Variants in USH2A observed in about 807,000 individuals in gnomAD.
USH2A encodes usherin, also known as Usher syndrome 2A (autosomal recessive, mild).
USH2A carries 443 observed loss-of-function variants against 538.9 expected under a neutral mutation model. The ratio of observed to expected loss-of-function variants is 0.82; its 90% CI spans 0.76 to 0.89. The LOEUF is 0.89. USH2A is among the 40% of genes least tolerant of loss of function. The pLI, the probability that USH2A is intolerant of heterozygous loss-of-function variation, is 0.00. For missense variants in USH2A, 6,633 were observed against 6,324.8 expected (o/e 1.05, Z -1.65); for synonymous variants, 2,413 against 2,273.5 (o/e 1.06, Z -1.75).
chr1:215,628,819 C>T lies in USH2A; in HGVS notation c.15514G>A (p.Gly5172Arg). The change falls in exon 71 of 72, where the codon GGA becomes AGA. Residue 5172 changes from glycine to arginine, a missense_variant. Physicochemically the swap from Gly to Arg is moderately radical, Grantham distance 125. Coordinates refer to ENST00000307340, the MANE Select transcript of USH2A (RefSeq NM_206933.4). ...LWEAIMGHNS[G>R]LYVDEEDLMN... ...GTATGAGGAAACCAACTCACCAGTC[C>T]ACTGTTGTGGCCCATGATGGCTTCC... is the stretch of plus-strand genomic sequence containing the variant. 1 of 1,614,102 alleles carries T rather than the reference C, an allele frequency of 6.2e-7. No individual in the cohort carries two copies. Among genetic ancestry groups the T allele is most frequent in the East Asian group, 2.2e-5 (1 of 44,870 alleles).
At chr1:216,271,752 T>C (rs1306698495) in intron 11 of USH2A, among the ~76,000 whole-genome samples, 4 of 152,120 alleles carry the variant, frequency 2.6e-5, no homozygotes, top group Non-Finnish European at 4.4e-5. Flanking sequence ...TCAAAGTTTT[T>C]TGATCTATTG....
rs1262561566 is a variant in USH2A at position 215,747,888 on chromosome 1, TTGG to T, written c.11390-4556_11390-4554del. Reference sequence around the variant, plus strand: ...TGTTTTTTTTTGTTTGTTTGTTTGTTTGGTTTTTTTTTTTGAGACGGAGTCTCG... The same window carrying T: ...TGTTTTTTTTTGTTTGTTTGTTTGTTTTTTTTTTTTTGAGACGGAGTCTCG... On this transcript the variant is annotated intron_variant, in intron 58 of 71. Transcript: ENST00000307340. Among the ~76,000 whole-genome samples the T allele has an allele frequency of 9.2e-3, 826 of 89,840 alleles. 13 individuals carry two copies. The highest frequency in any genetic ancestry group is 0.023 in the African/African-American group (594 of 25,998). 58.9% of individuals were successfully genotyped at this position (89,840 alleles called of 152,430 possible).
At chr1:215,698,292 A>G (rs1658884103) in intron 61 of USH2A, among the ~76,000 whole-genome samples, 2 of 152,086 alleles carry the variant, frequency 1.3e-5, no homozygotes, top group Non-Finnish European at 2.9e-5. Context: ...AAATATGTGC[A>G]TGTGTCTTTA....
chr1:216,202,570 G>C (rs1407368381), intron 16 of USH2A, among the ~76,000 whole-genome samples: 1 of 152,118 alleles, frequency 6.6e-6, no homozygotes, highest in Admixed American at 6.5e-5. Flanking sequence ...AAAATTTGCT[G>C]TTACTACAGA....
chr1:216,170,349 G>A (rs1459582927), intron 21 of USH2A, among the ~76,000 whole-genome samples: 2 of 152,058 alleles, frequency 1.3e-5, no homozygotes, highest in Non-Finnish European at 2.9e-5. Flanking sequence ...ATACAAAAAT[G>A]TATGACAATC....
intron 34 of USH2A, among the ~76,000 whole-genome samples, chr1:215,993,671 T>A (rs1668063621): frequency 6.6e-6 from 1 of 152,208 alleles, no homozygotes; most frequent in African/African-American, 2.4e-5. Context: ...GTGACCAATA[T>A]GTTTATAGCA....
At chr1:216,030,443 T>G (rs1321610412) in intron 32 of USH2A, among the ~76,000 whole-genome samples, 1 of 79,464 alleles carries the variant, frequency 1.3e-5, no homozygotes, top group Non-Finnish European at 2.7e-5. Flanking sequence ...ATATATATGA[T>G]ATATAGATAT....
chr1:216,002,646 C>T (rs1325922979), intron 32 of USH2A, among the ~76,000 whole-genome samples: 1 of 152,142 alleles, frequency 6.6e-6, no homozygotes, highest in South Asian at 2.1e-4. Context: ...TGGTCAGCCG[C>T]AACCGAGATT....
chr1:215,829,730 T>C lies in USH2A; in HGVS notation c.9371+8261A>G, dbSNP rs148532196. 5.4e-3 allele frequency among the ~76,000 whole-genome samples: 829 copies of C among 152,358 alleles called. 6 individuals are homozygous for C. Among genetic ancestry groups the C allele is most frequent in the African/African-American group, 0.018 (768 of 41,590 alleles). ...AATTTTGATTAATGGCTTGGCAGCC[T>C]ATAGTTGCTCATTAGAGTCTTGCCT... On this transcript the variant is annotated intron_variant, in intron 47 of 71. Transcript: ENST00000307340.
In USH2A at chr1:215,675,084, A is replaced by G. The variant is rs1220579907; in HGVS notation, c.12827T>C (p.Met4276Thr). The G allele has an allele frequency of 1.2e-6, 2 of 1,614,150 alleles. No individual in the cohort carries two copies. The highest frequency in any genetic ancestry group is 1.7e-6 in the Non-Finnish European group (2 of 1,180,024). ...GGAAATCAGCAGTTTTTGGGGATTCATAGAAACATAGGATATCACAGGTGG... is the reference window on the plus strand; with the variant it reads ...GGAAATCAGCAGTTTTTGGGGATTCGTAGAAACATAGGATATCACAGGTGG... The part of the protein sequence containing the change: ...LSPPVISYVS[M>T]NPQKLLISWI... Residue 4276 changes from methionine to threonine, a missense_variant, in exon 63 of 72, where the codon ATG becomes ACG. Coordinates refer to ENST00000307340, the MANE Select transcript of USH2A (RefSeq NM_206933.4).
intron 47 of USH2A, among the ~76,000 whole-genome samples, chr1:215,819,790 A>G (rs555067803): frequency 1.3e-5 from 2 of 151,822 alleles, no homozygotes; most frequent in Non-Finnish European, 3.0e-5. Flanking sequence ...CGGCAAGAAC[A>G]TGAACAGTTT....
At position 216,148,474 on chromosome 1, in the gene USH2A, C is replaced by A. The variant is rs1031401678; in HGVS notation, c.4627+26778G>T. On this transcript the variant is annotated intron_variant, in intron 21 of 71. Transcript: ENST00000307340. ...ATACCTCTACTCCCTCCTTGGTGAC[C>A]GATCATGCACCCCTTACCATCTCAT... Among the ~76,000 whole-genome samples the A allele has an allele frequency of 2.0e-5, 3 of 152,130 alleles. No homozygotes were observed. The East Asian group carries it at 5.8e-4, about 30-fold the overall frequency.
At chr1:216,353,079 A>T (rs1377558074) in intron 4 of USH2A, among the ~76,000 whole-genome samples, 1 of 152,062 alleles carries the variant, frequency 6.6e-6, no homozygotes, top group East Asian at 1.9e-4. Context: ...GAAGTGAAGA[A>T]AAAACGGCAG....
intron 30 of USH2A, among the ~76,000 whole-genome samples, chr1:216,052,199 G>A (rs915989790): frequency 6.6e-6 from 1 of 151,970 alleles, no homozygotes; most frequent in East Asian, 1.9e-4. Context: ...TTACCAAATT[G>A]TATTGTATTT....
At chr1:216,417,398 T>G (rs1210335350) in intron 3 of USH2A, among the ~76,000 whole-genome samples, 2 of 152,096 alleles carry the variant, frequency 1.3e-5, no homozygotes, top group African/African-American at 4.8e-5. Flanking sequence ...TACTGGAAAC[T>G]GTGGTACCCA....
rs139660933 is a variant in USH2A at position 215,744,892 on chromosome 1, C to T, written c.11390-1557G>A. Among the ~76,000 whole-genome samples the T allele has an allele frequency of 3.8e-3, 572 of 152,306 alleles. 5 individuals carry two copies. The highest frequency in any genetic ancestry group is 0.013 in the African/African-American group (526 of 41,566). The stretch of plus-strand genomic sequence containing the variant: ...GGCTAAACTATCTGGTACATTTATT[C>T]TAGTAGGTTAAACTACTAACATTCT... On this transcript the variant is annotated intron_variant, in intron 58 of 71. Coordinates refer to ENST00000307340, the MANE Select transcript of USH2A (RefSeq NM_206933.4).
At chr1:216,282,166 C>T (rs1034087578) in intron 11 of USH2A, among the ~76,000 whole-genome samples, 10 of 151,950 alleles carry the variant, frequency 6.6e-5, no homozygotes, top group African/African-American at 2.4e-4. Flanking sequence ...ATATACTTTG[C>T]AACTAATTCT....
At chr1:215,711,732 T>C (rs759896698) in intron 61 of USH2A, among the ~76,000 whole-genome samples, 14 of 152,182 alleles carry the variant, frequency 9.2e-5, no homozygotes, top group Non-Finnish European at 1.9e-4. Flanking sequence ...ATTGGCCACC[T>C]GAGGTTCAAA....
intron 31 of USH2A, among the ~76,000 whole-genome samples, chr1:216,047,327 G>A (rs1183654761): frequency 1.3e-5 from 2 of 152,090 alleles, no homozygotes; most frequent in South Asian, 2.1e-4. Context: ...TAGTGGATAC[G>A]GAGAAAATAA....
Sources: gnomAD v4.1 joint callset for allele counts (sites outside exome capture counted in the v4.1 genomes callset) on GRCh38, gnomAD v4.1.1 for gene constraint, MANE v1.5 for transcripts, NCBI Gene and HGNC (gene_info 2026-07-23, HGNC 2026-07-21) for gene names.